Variants in MYO3A observed in about 807,000 individuals in gnomAD.
MYO3A encodes myosin-IIIa.
In MYO3A, 180 loss-of-function variants were observed where a neutral mutation model predicts 192.7. The ratio of observed to expected loss-of-function variants is 0.93; its 90% confidence interval spans 0.83 to 1.06. The LOEUF (loss-of-function observed/expected upper bound fraction) is 1.06, where lower values mean the gene tolerates loss of function less well. Ranked by LOEUF, MYO3A falls within the 50% of genes least tolerant of loss-of-function variation. The pLI, the probability that MYO3A is intolerant of heterozygous loss-of-function variation, is 0.00. For synonymous variants in MYO3A, 628 were observed against 645.3 expected (o/e 0.97, Z 0.41); for missense variants, 1,896 against 1,905.0 (o/e 1.00, Z 0.09).
intron 14 of MYO3A, among the ~76,000 whole-genome samples, chr10:26,075,159 T>C (rs1835449525): frequency 6.6e-6 from 1 of 152,146 alleles, no homozygotes; most frequent in African/African-American, 2.4e-5. Flanking sequence ...TCATGTAGTT[T>C]TAAATCAGGA....
rs139528457 is a variant in MYO3A, at chr10:25,965,126, G to A, written c.303+10118G>A. ...TTGGTGTTCTACAACCTTCTTGCAC[G>A]TGGATATTGATATCTTTCTCTAGGT... On this transcript the variant is annotated intron_variant, in intron 4 of 34. Transcript: ENST00000642920. 2.5e-3 allele frequency among the ~76,000 whole-genome samples: 387 copies of A among 152,146 alleles called. 1 individual carries two copies. Among genetic ancestry groups the A allele is most frequent in the Admixed American group, 3.4e-3 (52 of 15,280 alleles).
chr10:25,972,956 G>T (rs1838750597), intron 4 of MYO3A, among the ~76,000 whole-genome samples: 2 of 152,138 alleles, frequency 1.3e-5, no homozygotes, highest in Non-Finnish European at 2.9e-5. Context: ...GGTTCATTTT[G>T]ATTCCAGGAC....
chr10:26,007,922 T>C (rs919579617), intron 6 of MYO3A, among the ~76,000 whole-genome samples: 2 of 152,002 alleles, frequency 1.3e-5, no homozygotes, highest in Non-Finnish European at 2.9e-5. Context: ...CCTGCATCGC[T>C]AAGTCAATCC....
intron 4 of MYO3A, among the ~76,000 whole-genome samples, chr10:25,992,887 A>T (rs544917242): frequency 1.2e-4 from 18 of 152,276 alleles, no homozygotes; most frequent in Non-Finnish European, 2.2e-4. Context: ...AAGCTTTTTG[A>T]TGTGCTGCTG....
intron 28 of MYO3A, among the ~76,000 whole-genome samples, chr10:26,169,437 AT>A (rs1286106368): frequency 6.6e-6 from 1 of 151,956 alleles, no homozygotes; most frequent in Non-Finnish European, 1.5e-5. Context: ...TCTCTTTCAA[AT>A]TTTTTTGACT....
chr10:26,119,126 C>G (rs548259877), intron 17 of MYO3A, among the ~76,000 whole-genome samples: 2 of 152,284 alleles, frequency 1.3e-5, no homozygotes, highest in South Asian at 4.1e-4. Flanking sequence ...TCCTGTCATT[C>G]AGGCCTCAAC....
chr10:26,026,293 G>A (rs1842539139), intron 9 of MYO3A, 84 bp from the exon 10 acceptor site: 3 of 1,496,316 alleles, frequency 2.0e-6, no homozygotes, highest in Non-Finnish European at 2.8e-6. Flanking sequence ...ACTCTCGTGT[G>A]TTAGATTAAT....
intron 15 of MYO3A, among the ~76,000 whole-genome samples, chr10:26,090,124 A>G (rs12246202): frequency 6.6e-6 from 1 of 151,980 alleles, no homozygotes; most frequent in Non-Finnish European, 1.5e-5. Flanking sequence ...TTCTGCTTTC[A>G]TAATTGTGTA....
intron 17 of MYO3A, among the ~76,000 whole-genome samples, chr10:26,111,727 A>G (rs11599503): frequency 0.14 from 21,735 of 152,184 alleles, 1,781 homozygotes; most frequent in East Asian, 0.31. Flanking sequence ...TGGTCATAAG[A>G]TCAATGTTGC....
intron 10 of MYO3A, among the ~76,000 whole-genome samples, chr10:26,057,483 A>G (rs1834182094): frequency 6.6e-6 from 1 of 152,216 alleles, no homozygotes; most frequent in Non-Finnish European, 1.5e-5. Flanking sequence ...ATAGAAGGGA[A>G]GGAACCTGAG....
rs527611269 is a variant in MYO3A, at chr10:26,016,743, CA to C, written c.509-71del. The C allele has an allele frequency of 5.9e-6, 8 of 1,364,896 alleles. No individual in the cohort carries two copies. In the East Asian group the frequency reaches 1.6e-4, roughly 27 times the overall value. 84.5% of individuals were successfully genotyped at this position (1,364,896 alleles called of 1,614,324 possible). ...GAAATGGAATTTTAATATTAGTTTG[CA>C]AAAAAGATTATAGCAATTGAAAGCT... On this transcript the variant is annotated intron_variant, in intron 6 of 34. Coordinates refer to ENST00000642920, the MANE Select transcript of MYO3A (RefSeq NM_017433.5).
chr10:26,041,388 T>C (rs1340615930), intron 10 of MYO3A, among the ~76,000 whole-genome samples: 1 of 152,028 alleles, frequency 6.6e-6, no homozygotes, highest in Admixed American at 6.6e-5. Context: ...CCACTGTATG[T>C]CTTTTGATTG....
At chr10:25,992,095 T>G (rs1840070363) in intron 4 of MYO3A, among the ~76,000 whole-genome samples, 1 of 151,934 alleles carries the variant, frequency 6.6e-6, no homozygotes, top group Non-Finnish European at 1.5e-5. Context: ...ATCTGTAAAT[T>G]ACCTTGGGCA....
At chr10:26,197,295 G>C (rs1354381102) in intron 32 of MYO3A, among the ~76,000 whole-genome samples, 2 of 148,282 alleles carry the variant, frequency 1.3e-5, no homozygotes, top group African/African-American at 5.2e-5. Context: ...CAGTGTTGTG[G>C]TGAGTTTCAG....
intron 17 of MYO3A, among the ~76,000 whole-genome samples, chr10:26,111,004 A>G (rs1838144177): frequency 6.6e-6 from 1 of 151,288 alleles, no homozygotes; most frequent in Admixed American, 6.6e-5. Flanking sequence ...AGCTGGGACT[A>G]TAGGTGATTA....
At chr10:26,108,139 G>A (rs1207788046) in intron 17 of MYO3A, among the ~76,000 whole-genome samples, 1 of 152,092 alleles carries the variant, frequency 6.6e-6, no homozygotes, top group African/African-American at 2.4e-5. Flanking sequence ...TTCAGACTTT[G>A]CTCGTAACAG....
intron 20 of MYO3A, among the ~76,000 whole-genome samples, chr10:26,133,963 CTG>C (rs1241967210): frequency 6.6e-6 from 1 of 152,136 alleles, no homozygotes; most frequent in East Asian, 1.9e-4. Flanking sequence ...ATACAGAACA[CTG>C]TATTTCTGAA....
At chr10:26,004,939 C>G (rs2130955185) in intron 6 of MYO3A, among the ~76,000 whole-genome samples, 1 of 152,262 alleles carries the variant, frequency 6.6e-6, no homozygotes, top group East Asian at 1.9e-4. Flanking sequence ...TAAAATTCAT[C>G]ATTTGGTAAC....
chr10:26,039,644 C>G (rs1843232360), intron 10 of MYO3A, among the ~76,000 whole-genome samples: 1 of 151,906 alleles, frequency 6.6e-6, no homozygotes, highest in African/African-American at 2.4e-5. Context: ...TTTATTTATT[C>G]TAAATTTTTC....
Sources: allele counts gnomAD v4.1 joint callset (sites outside exome capture counted in the v4.1 genomes callset), GRCh38; gene constraint gnomAD v4.1.1; transcripts MANE v1.5; gene names NCBI Gene and HGNC (gene_info 2026-07-23, HGNC 2026-07-21).